FBXW12: variants seen among roughly 807,000 people sequenced by gnomAD.
FBXW12 encodes F-box/WD repeat-containing protein 12.
A neutral mutation model predicts 55.3 loss-of-function variants in FBXW12; 43 were observed. The observed-to-expected ratio is 0.78, with a 90% CI of 0.61 to 1.00. The LOEUF is 1.00. Ranked by LOEUF, FBXW12 falls within the 50% of genes least tolerant of loss-of-function variation. The probability of loss-of-function intolerance (pLI) is 0.00; values close to 1 mark genes in which losing one functional copy is unlikely to be tolerated. For synonymous variants in FBXW12, 184 were observed against 203.8 expected (o/e 0.90, Z 0.83); for missense variants, 524 against 560.5 (o/e 0.93, Z 0.66).
chr3:48,389,878 G>A (rs2036896718), intron 10 of FBXW12, among the ~76,000 whole-genome samples: 2 of 152,114 alleles, frequency 1.3e-5, no homozygotes, highest in African/African-American at 2.4e-5. Context: ...TTTGGTGTAT[G>A]GTGAAAAGTA....
chr3:48,394,080 A>G (rs1360140243), intron 10 of FBXW12, among the ~76,000 whole-genome samples: 1 of 151,824 alleles, frequency 6.6e-6, no homozygotes, highest in Non-Finnish European at 1.5e-5. Flanking sequence ...CCTGGCCTAC[A>G]AGATAATATT....
At chr3:48,385,338 T>TTGTGTGTGTGTGTGTG (rs60689779) in intron 10 of FBXW12, among the ~76,000 whole-genome samples, 1 of 148,884 alleles carries the variant, frequency 6.7e-6, no homozygotes, top group African/African-American at 2.5e-5. Context: ...TGGTATTCCA[T>TTGTGTGTGTGTGTGTG]TGTGTGTGTG....
chr3:48,387,834 G>C (rs1005041863), intron 10 of FBXW12, among the ~76,000 whole-genome samples: 3 of 152,036 alleles, frequency 2.0e-5, no homozygotes, highest in Non-Finnish European at 4.4e-5. Flanking sequence ...CAAAGTTCTG[G>C]GATTACAGGC....
chr3:48,393,374 G>A (rs978928307), intron 10 of FBXW12, among the ~76,000 whole-genome samples: 2 of 152,178 alleles, frequency 1.3e-5, no homozygotes, highest in South Asian at 2.1e-4. Context: ...TCAGGGCCTG[G>A]TGGGGAGGGG....
Position 48,391,317 on chromosome 3 carries a change from T to TACACACAC in FBXW12, c.1296-3211_1296-3204dup, listed in dbSNP as rs140067012. Among the ~76,000 whole-genome samples the TACACACAC allele has an allele frequency of 2.1e-3, 275 of 133,176 alleles. 2 individuals carry two copies. Among genetic ancestry groups the TACACACAC allele is most frequent in the African/African-American group, 6.5e-3 (240 of 37,202 alleles). The allele number at this position is 133,176 out of a possible 152,430, so 87.4% of individuals were successfully genotyped here. A position where few individuals can be genotyped will look rare whatever the true frequency, so the allele number is the denominator to read the frequency against. Reference sequence around the variant, plus strand: ...AAAAAATACATATTATATCTATCTATACACACACACACACACACACACACA... The same window carrying TACACACAC: ...AAAAAATACATATTATATCTATCTATACACACACACACACACACACACACACACACACA... On this transcript the variant is annotated intron_variant, in intron 10 of 10. Transcript: ENST00000296438.
intron 10 of FBXW12, among the ~76,000 whole-genome samples, chr3:48,388,242 T>TGAA (rs2036873997): frequency 6.6e-6 from 1 of 152,212 alleles, no homozygotes; most frequent in Non-Finnish European, 1.5e-5. Context: ...AAAGAATGTG[T>TGAA]GTTCTTCTCT....
Position 48,375,368 on chromosome 3 carries a change from T to C in FBXW12, c.301T>C (p.Leu101=). ...VTKNIAFETE[L]AYLSGNRLTV... ...TTTCCTTCTAGCATTTGAGACGGAG[T>C]TGGCTTATCTCTCAGGAAATAGACT... is the stretch of plus-strand genomic sequence containing the variant. The change falls in exon 5 of 11, where the codon TTG becomes CTG. Residue 101 remains leucine, a synonymous_variant. Transcript: ENST00000296438. 1 of 1,607,942 alleles carries C rather than the reference T, an allele frequency of 6.2e-7. No individual in the cohort carries two copies. The highest frequency in any genetic ancestry group is 8.5e-7 in the Non-Finnish European group (1 of 1,175,224).
intron 10 of FBXW12, among the ~76,000 whole-genome samples, chr3:48,386,421 A>T (rs1351147013): frequency 6.6e-6 from 1 of 152,208 alleles, no homozygotes; most frequent in African/African-American, 2.4e-5. Context: ...GAAATCAGAT[A>T]ATATGCCACC....
intron 1 of FBXW12, 91 bp downstream of exon 1, chr3:48,372,411 G>A: frequency 1.4e-6 from 2 of 1,435,852 alleles, no homozygotes; most frequent in Non-Finnish European, 1.9e-6. Flanking sequence ...ATCAAAGTGA[G>A]TGCACTCGGT....
chr3:48,379,695 T>C (rs2036738323), intron 7 of FBXW12, 137 bp downstream of exon 7: 1 of 690,320 alleles, frequency 1.4e-6, no homozygotes, highest in Admixed American at 2.5e-5. Context: ...GGGAATCCAT[T>C]GTGATGGTCA....
At chr3:48,387,440 TA>T (rs1489525310) in intron 10 of FBXW12, among the ~76,000 whole-genome samples, 1 of 105,436 alleles carries the variant, frequency 9.5e-6, no homozygotes, top group African/African-American at 3.4e-5. Context: ...TTTTGGTCTC[TA>T]TTTTTTTTTT....
chr3:48,374,946 GT>G (rs1215534397), intron 4 of FBXW12, among the ~76,000 whole-genome samples: 2 of 151,336 alleles, frequency 1.3e-5, no homozygotes, highest in African/African-American at 4.9e-5. Flanking sequence ...TGTATTTTTA[GT>G]AGAGACAGGT....
Position 48,378,367 on chromosome 3 carries a change from G to A in FBXW12, c.456G>A (p.Leu152=). The change falls in exon 6 of 11, where the codon CTG becomes CTA. Residue 152 remains leucine (L), a synonymous_variant. Coordinates refer to ENST00000296438, the MANE Select transcript of FBXW12 (RefSeq NM_207102.2). ...SPVQEFHFSN[L]VTLPQMHLAI... ...TCCAGGAGTTCCATTTCTCAAATCT[G>A]GTAACCCTCCCTCAGATGCATCTCG... 1 of 1,614,012 alleles carries A rather than the reference G, an allele frequency of 6.2e-7. No individual in the cohort carries two copies. Among genetic ancestry groups the A allele is most frequent in the Non-Finnish European group, 8.5e-7 (1 of 1,180,000 alleles).
At position 48,381,757 on chromosome 3, in the gene FBXW12, G is replaced by A; in HGVS notation, c.1043G>A (p.Gly348Glu). Reference sequence around the variant, plus strand: ...CATCTGAAGTGCCCTATCTGGATGGGAGCCAGTGATGGATATATGATTGTC... The same window carrying A: ...CATCTGAAGTGCCCTATCTGGATGGAAGCCAGTGATGGATATATGATTGTC... ...AAHLKCPIWM[G>E]ASDGYMIVFT... The change falls in exon 9 of 11, where the codon GGA becomes GAA. Residue 348 changes from glycine (G) to glutamate (E), a missense_variant. Coordinates refer to ENST00000296438, the MANE Select transcript of FBXW12 (RefSeq NM_207102.2). The A allele has an allele frequency of 6.2e-7, 1 of 1,610,624 alleles. No individual in the cohort carries two copies. Among genetic ancestry groups the A allele is most frequent in the Non-Finnish European group, 8.5e-7 (1 of 1,177,714 alleles).
Position 48,378,388 on chromosome 3 carries a change from T to A in FBXW12, c.477T>A (p.His159Gln). 1 of 1,614,018 alleles carries A rather than the reference T, an allele frequency of 6.2e-7. No individual in the cohort carries two copies. The highest frequency in any genetic ancestry group is 8.5e-7 in the Non-Finnish European group (1 of 1,180,000). Reference sequence around the variant, plus strand: ...ATCTGGTAACCCTCCCTCAGATGCATCTCGCCATCACTATGGATCGGAAAA... The same window carrying A: ...ATCTGGTAACCCTCCCTCAGATGCAACTCGCCATCACTATGGATCGGAAAA... ...FSNLVTLPQM[H>Q]LAITMDRKKT... is the part of the protein sequence containing the mutation. The change falls in exon 6 of 11, where the codon CAT (histidine) becomes CAA (glutamine). Residue 159 changes from histidine (H) to glutamine (Q), a missense_variant. His to Gln is a conservative substitution (Grantham distance 24, BLOSUM62 0). Transcript: ENST00000296438.
chr3:48,373,813 A>G (rs753482448), intron 4 of FBXW12, 108 bp downstream of exon 4: 33 of 1,090,182 alleles, frequency 3.0e-5, no homozygotes, highest in Non-Finnish European at 3.7e-5. Flanking sequence ...TAAAGGGAAA[A>G]GGAATTAAAA....
intron 5 of FBXW12, 116 bp downstream of exon 5, chr3:48,375,588 C>T: frequency 1.5e-6 from 1 of 650,870 alleles, no homozygotes; most frequent in South Asian, 2.0e-5. Flanking sequence ...AACAAAGTGT[C>T]AAATCAGGTT....
At chr3:48,379,020 T>A (rs886406032) in intron 6 of FBXW12, among the ~76,000 whole-genome samples, 1 of 152,196 alleles carries the variant, frequency 6.6e-6, no homozygotes, top group South Asian at 2.1e-4. Context: ...CCCCAGCAAT[T>A]CTTCTAAAGA....
Position 48,380,913 on chromosome 3 carries a change from G to A in FBXW12, c.985+1G>A, listed in dbSNP as rs541585854. ...ACTGGAGGCCAAACAGTCATCCAAGGTAGGCTGTGCCACATTAGAAACGCT... is the reference window on the plus strand; with the variant it reads ...ACTGGAGGCCAAACAGTCATCCAAGATAGGCTGTGCCACATTAGAAACGCT... On this transcript the variant is annotated splice_donor_variant, in intron 8 of 10. Transcript: ENST00000296438. LOFTEE classifies it high-confidence loss of function. The A allele has an allele frequency of 5.6e-6, 9 of 1,613,276 alleles. No individual in the cohort carries two copies. In the South Asian group the frequency reaches 9.9e-5, roughly 18 times the overall value.
Sources: allele counts gnomAD v4.1 joint callset (sites outside exome capture counted in the v4.1 genomes callset), GRCh38; gene constraint gnomAD v4.1.1; transcripts MANE v1.5; gene names NCBI Gene and HGNC (gene_info 2026-07-23, HGNC 2026-07-21).